Variants in PTPRK observed in about 807,000 individuals in gnomAD.
PTPRK encodes the protein protein tyrosine phosphatase receptor type K.
PTPRK carries 75 observed loss-of-function variants against 178.0 expected under a neutral mutation model. That is an observed-to-expected ratio of 0.42 (90% CI 0.35 to 0.51). The LOEUF (loss-of-function observed/expected upper bound fraction) is 0.51. Ranked by LOEUF, PTPRK falls within the 20% of genes least tolerant of loss-of-function variation. The probability of loss-of-function intolerance (pLI) is 0.02; values close to 1 mark genes in which losing one functional copy is unlikely to be tolerated. For missense variants in PTPRK, 1,441 were observed against 1,797.8 expected (o/e 0.80, Z 3.59); for synonymous variants, 637 against 620.6 (o/e 1.03, Z -0.39).
chr6:128,060,794 A>G (rs1449902686), intron 13 of PTPRK, among the ~76,000 whole-genome samples: 2 of 152,190 alleles, frequency 1.3e-5, no homozygotes, highest in South Asian at 2.1e-4. Flanking sequence ...AGCTTTGGCA[A>G]AAGTATTCTA....
intron 12 of PTPRK, among the ~76,000 whole-genome samples, chr6:128,066,700 CAATAAATAAATAAATAAATA>C (rs138949244): frequency 6.7e-6 from 1 of 149,414 alleles, no homozygotes; most frequent in Non-Finnish European, 1.5e-5. Flanking sequence ...CTCTGTCTGC[CAATAAATAAATAAATAAATA>C]AATAAATAAA....
intron 13 of PTPRK, among the ~76,000 whole-genome samples, chr6:128,054,114 AC>A (rs1328673782): frequency 7.9e-5 from 12 of 152,326 alleles, no homozygotes; most frequent in Admixed American, 7.2e-4. Context: ...TCCAATACCA[AC>A]ATAAACTTTC....
chr6:128,400,032 A>G lies in PTPRK; in HGVS notation c.101-2344T>C, dbSNP rs567467971. On this transcript the variant is annotated intron_variant, in intron 1 of 29. Transcript: ENST00000368226. ...AAAACTTTTACAAATTTTTTTGTAAAGAATTTTGTATTTCAAGGTTAAGGG... is the reference window on the plus strand; with the variant it reads ...AAAACTTTTACAAATTTTTTTGTAAGGAATTTTGTATTTCAAGGTTAAGGG... Among the ~76,000 whole-genome samples the G allele has an allele frequency of 9.8e-5, 15 of 152,340 alleles. 1 individual carries two copies. The highest frequency in any genetic ancestry group is 3.6e-4 in the African/African-American group (15 of 41,588).
intron 7 of PTPRK, among the ~76,000 whole-genome samples, chr6:128,147,640 T>C (rs1796680294): frequency 1.3e-5 from 2 of 152,170 alleles, no homozygotes; most frequent in African/African-American, 4.8e-5. Flanking sequence ...ATGTCATTGA[T>C]GTGAGGGTTG....
At chr6:128,414,497 T>C in intron 1 of PTPRK, among the ~76,000 whole-genome samples, 2 of 152,128 alleles carry the variant, frequency 1.3e-5, no homozygotes, top group East Asian at 3.9e-4. Flanking sequence ...GTGAAAAAAA[T>C]TTAAAGAGAG....
At chr6:128,223,501 T>C (rs558344332) in intron 5 of PTPRK, among the ~76,000 whole-genome samples, 9 of 152,070 alleles carry the variant, frequency 5.9e-5, no homozygotes, top group Non-Finnish European at 1.2e-4. Context: ...TGCTTATATG[T>C]GTGTGTATTA....
intron 7 of PTPRK, among the ~76,000 whole-genome samples, chr6:128,095,825 TACAA>T (rs984180465): frequency 1.3e-5 from 2 of 152,206 alleles, no homozygotes; most frequent in Admixed American, 6.5e-5. Flanking sequence ...CGCTCTTATC[TACAA>T]ACAAAGGCAT....
At chr6:128,474,685 T>C (rs1012677246) in intron 1 of PTPRK, among the ~76,000 whole-genome samples, 2 of 152,110 alleles carry the variant, frequency 1.3e-5, no homozygotes, top group East Asian at 1.9e-4. Flanking sequence ...TTCATACCAA[T>C]GCTCACTGTC....
Position 128,154,988 on chromosome 6 carries a change from C to G in PTPRK, c.1162+29444G>C, listed in dbSNP as rs567476297. Reference sequence around the variant, plus strand: ...GATAAGCCTTTTAAGTCTCTTTAATCTGTAAGTCCTTTCTCTCCTCTCCCA... The same window carrying G: ...GATAAGCCTTTTAAGTCTCTTTAATGTGTAAGTCCTTTCTCTCCTCTCCCA... On this transcript the variant is annotated intron_variant, in intron 7 of 29. Transcript: ENST00000368226. Among the ~76,000 whole-genome samples the G allele has an allele frequency of 1.2e-4, 18 of 151,886 alleles. 1 individual carries two copies. In the South Asian group the frequency reaches 3.5e-3, roughly 30 times the overall value.
chr6:128,240,035 C>T lies in PTPRK; in HGVS notation c.693G>A (p.Gln231=). ...AGCTCAGCTGCCAACTTGGCCTTACCTGGAGCCATAACTTGTTATGCACAG... is the reference window on the plus strand; with the variant it reads ...AGCTCAGCTGCCAACTTGGCCTTACTTGGAGCCATAACTTGTTATGCACAG... The part of the protein sequence containing the change: ...RDAVHNKLWL[Q]RRNGEDIPVA... The change falls in exon 5 of 30, where the codon CAG becomes CAA. Residue 231 remains glutamine (Q), a splice_region_variant and synonymous_variant. Transcript: ENST00000368226. 2 of 1,612,680 alleles carry T rather than the reference C, an allele frequency of 1.2e-6. No homozygotes were observed. Among genetic ancestry groups the T allele is most frequent in the Non-Finnish European group, 1.7e-6 (2 of 1,179,064 alleles).
Position 128,397,694 on chromosome 6 carries a change from A to G in PTPRK, c.101-6T>C. ...ATCATCAAAAGTACAGCCACCTAGGAGAAAAGAAGACTACTGTTACATTCT... is the reference window on the plus strand; with the variant it reads ...ATCATCAAAAGTACAGCCACCTAGGGGAAAAGAAGACTACTGTTACATTCT... On this transcript the variant is annotated splice_polypyrimidine_tract_variant and splice_region_variant and intron_variant, in intron 1 of 29. Transcript: ENST00000368226. 1 of 1,612,780 alleles carries G rather than the reference A, an allele frequency of 6.2e-7. No homozygotes were observed. The highest frequency in any genetic ancestry group is 8.5e-7 in the Non-Finnish European group (1 of 1,178,858).
intron 6 of PTPRK, among the ~76,000 whole-genome samples, chr6:128,205,777 CAAAAAAAAAAAAAAAAA>C (rs57003128): frequency 6.6e-5 from 1 of 15,230 alleles, no homozygotes; most frequent in East Asian, 1.8e-3. Context: ...CATCACAGAC[CAAAAAAAAAAAAAAAAA>C]AAAAAAAAAA....
intron 1 of PTPRK, among the ~76,000 whole-genome samples, chr6:128,494,739 GT>G (rs1854411004): frequency 6.6e-6 from 1 of 152,162 alleles, no homozygotes; most frequent in African/African-American, 2.4e-5. Context: ...TGCCCATGAT[GT>G]TTTTTCTAGT....
At position 128,130,024 on chromosome 6, in the gene PTPRK, T is replaced by C. The variant is rs531681602; in HGVS notation, c.1163-40032A>G. ...TTCTGAATGTACTACTCTGCTTGTATTGCTTGGCAAAAAGATAGAATAATA... is the reference window on the plus strand; with the variant it reads ...TTCTGAATGTACTACTCTGCTTGTACTGCTTGGCAAAAAGATAGAATAATA... On this transcript the variant is annotated intron_variant, in intron 7 of 29. Transcript: ENST00000368226. Among the ~76,000 whole-genome samples, 6 of 152,286 alleles carry C rather than the reference T, an allele frequency of 3.9e-5. No individual in the cohort carries two copies. The South Asian group carries it at 1.2e-3, about 32-fold the overall frequency.
chr6:128,347,751 T>G (rs922087971), intron 2 of PTPRK, among the ~76,000 whole-genome samples: 5 of 152,044 alleles, frequency 3.3e-5, no homozygotes, highest in African/African-American at 1.2e-4. Flanking sequence ...CACTACAAAC[T>G]GAGCTACTAA....
Position 128,253,295 on chromosome 6 carries a change from T to G in PTPRK, c.496-10693A>C, listed in dbSNP as rs555322054. Among the ~76,000 whole-genome samples, 266 of 152,294 alleles carry G rather than the reference T, an allele frequency of 1.7e-3. 2 individuals carry two copies. The highest frequency in any genetic ancestry group is 0.014 in the Middle Eastern group (4 of 294). Reference sequence around the variant, plus strand: ...ATAATCCAAGATCTAAAAATGCCCTTAAACACATTTTTCATCCTATGGATC... The same window carrying G: ...ATAATCCAAGATCTAAAAATGCCCTGAAACACATTTTTCATCCTATGGATC... On this transcript the variant is annotated intron_variant, in intron 3 of 29. Coordinates refer to ENST00000368226, the MANE Select transcript of PTPRK (RefSeq NM_002844.4).
intron 4 of PTPRK, chr6:128,241,443 T>G (rs951830521): frequency 5.1e-6 from 2 of 389,320 alleles, no homozygotes; most frequent in Admixed American, 3.4e-5. Context: ...ACACTAGAGT[T>G]TGACAACCAC....
At chr6:128,515,961 A>G (rs1364434015) in intron 1 of PTPRK, among the ~76,000 whole-genome samples, 1 of 152,198 alleles carries the variant, frequency 6.6e-6, no homozygotes, top group African/African-American at 2.4e-5. Context: ...ATCTTATCAC[A>G]TGAATTAAAT....
chr6:127,988,745 GAATT>G (rs1429558338), intron 21 of PTPRK, among the ~76,000 whole-genome samples: 7 of 151,768 alleles, frequency 4.6e-5, no homozygotes, highest in East Asian at 1.9e-4. Context: ...ACCTCATTTA[GAATT>G]AATAGTGGTT....
Sources: gnomAD v4.1 joint callset for allele counts (sites outside exome capture counted in the v4.1 genomes callset) on GRCh38, gnomAD v4.1.1 for gene constraint, MANE v1.5 for transcripts, NCBI Gene and HGNC (gene_info 2026-07-23, HGNC 2026-07-21) for gene names.